The following TAF11 variants were observed in gnomAD, a reference collection of about 807,000 sequenced individuals.
TAF11 encodes TATA-box binding protein associated factor 11.
A neutral mutation model predicts 23.0 loss-of-function variants in TAF11; 10 were observed. The observed-to-expected ratio is 0.43, with a 90% confidence interval of 0.27 to 0.74. The LOEUF is 0.74. Ranked by LOEUF, TAF11 falls within the 30% of genes least tolerant of loss-of-function variation. TAF11 has a pLI of 0.19. For missense variants in TAF11, 196 were observed against 261.7 expected (o/e 0.75, Z 1.73); for synonymous variants, 85 against 95.8 (o/e 0.89, Z 0.66).
At chr6:34,883,468 G>T (rs1436133796) in intron 1 of TAF11, among the ~76,000 whole-genome samples, 1 of 152,068 alleles carries the variant, frequency 6.6e-6, no homozygotes, top group East Asian at 1.9e-4. Context: ...CAGATCTATA[G>T]ATCTCTTTAC....
rs1238603123 is a variant in TAF11, at chr6:34,883,088, G to T, written c.172-8C>A. On this transcript the variant is annotated splice_polypyrimidine_tract_variant and splice_region_variant and intron_variant, in intron 1 of 4. Coordinates refer to ENST00000361288, the MANE Select transcript of TAF11 (RefSeq NM_005643.4). ...GACATCCTGACTCTCGAGCTGGGAAGATGAAAGAAACTCTATTATATATTT... is the reference window on the plus strand; with the variant it reads ...GACATCCTGACTCTCGAGCTGGGAATATGAAAGAAACTCTATTATATATTT... 6.2e-7 allele frequency: 1 copy of T among 1,605,628 alleles called. No individual in the cohort carries two copies. The highest frequency in any genetic ancestry group is 8.5e-7 in the Non-Finnish European group (1 of 1,178,064).
chr6:34,879,883 C>T lies in TAF11; in HGVS notation c.505+84G>A, dbSNP rs544213062. On this transcript the variant is annotated intron_variant, in intron 4 of 4. Transcript: ENST00000361288. ...GTGCAAATGAGAACTCCCATAGGTG[C>T]TTTAATAAGCTCCTTTGTGTAGATA... 2.4e-5 allele frequency: 36 copies of T among 1,525,174 alleles called. No individual in the cohort carries two copies. The South Asian group carries it at 3.8e-4, about 16-fold the overall frequency. The allele number at this position is 1,525,174 out of a possible 1,614,324, so 94.5% of individuals were successfully genotyped here. A position where few individuals can be genotyped will look rare whatever the true frequency, so the allele number is the denominator to read the frequency against.
chr6:34,879,623 C>T (rs772848250), intron 4 of TAF11: 111 of 985,064 alleles, frequency 1.1e-4, no homozygotes, highest in Non-Finnish European at 1.3e-4. Flanking sequence ...AGGGACAACT[C>T]ACCATCCCAC....
chr6:34,885,501 G>C (rs1362433238), intron 1 of TAF11, among the ~76,000 whole-genome samples: 1 of 152,036 alleles, frequency 6.6e-6, no homozygotes, highest in East Asian at 1.9e-4. Context: ...GGCCTGTTAT[G>C]ATTTCTACTT....
rs980357820 is a variant in TAF11, at chr6:34,880,443, T to C, written c.321-67A>G. On this transcript the variant is annotated intron_variant, in intron 2 of 4. Coordinates refer to ENST00000361288, the MANE Select transcript of TAF11 (RefSeq NM_005643.4). This position sits in a 1 kb window ranked among gnomAD's most constrained non-coding sequence, Gnocchi z 4.8. ...AATACTCAAGATATTATGAAGTCAA[T>C]AAAAGTTTCAGACAATTCAAAAACG... 18 of 1,502,256 alleles carry C rather than the reference T, an allele frequency of 1.2e-5. No individual in the cohort carries two copies. The highest frequency in any genetic ancestry group is 1.7e-5 in the Non-Finnish European group (18 of 1,089,834). The allele number at this position is 1,502,256 out of a possible 1,614,324, so 93.1% of individuals were successfully genotyped here.
chr6:34,881,508 A>G (rs1315184511), intron 2 of TAF11, among the ~76,000 whole-genome samples: 1 of 152,238 alleles, frequency 6.6e-6, no homozygotes, highest in African/African-American at 2.4e-5. Context: ...TCTATTTTTA[A>G]GAAAACTATG....
At chr6:34,882,027 T>C (rs1042291792) in intron 2 of TAF11, among the ~76,000 whole-genome samples, 3 of 151,436 alleles carry the variant, frequency 2.0e-5, no homozygotes, top group East Asian at 1.9e-4. Flanking sequence ...TTTTCTATGC[T>C]GTAACATAAT....
intron 1 of TAF11, among the ~76,000 whole-genome samples, chr6:34,885,870 C>T (rs778251053): frequency 1.1e-4 from 16 of 152,222 alleles, no homozygotes; most frequent in East Asian, 1.9e-4. Context: ...GCCTATAATC[C>T]CAGCACTTTG....
chr6:34,880,048 T>C lies in TAF11; in HGVS notation c.424A>G (p.Thr142Ala). 1 of 1,614,098 alleles carries C rather than the reference T, an allele frequency of 6.2e-7. No individual in the cohort carries two copies. The highest frequency in any genetic ancestry group is 8.5e-7 in the Non-Finnish European group (1 of 1,180,000). The change falls in exon 4 of 5, where the codon ACT (threonine) becomes GCT (alanine). Residue 142 changes from threonine to alanine, a missense_variant. Transcript: ENST00000361288. This position sits in a 1 kb window ranked among gnomAD's most constrained non-coding sequence, Gnocchi z 4.8. ...ACATTCTGAGACACAGAGGTGCCAG[T>C]GATGGACTGGATCAGCTTGAAAGAA... ...AAIKRLIQSI[T>A]GTSVSQNVVI...
intron 1 of TAF11, 89 bp from the exon 2 acceptor site, chr6:34,883,169 A>G (rs574164048): frequency 1.5e-6 from 2 of 1,371,962 alleles, no homozygotes; most frequent in South Asian, 2.7e-5. Context: ...TCACAAAACA[A>G]CAAATCCATT....
In TAF11 at chr6:34,888,006, G is replaced by A; in HGVS notation, c.-49C>T. The A allele has an allele frequency of 6.2e-7, 1 of 1,608,974 alleles. No individual in the cohort carries two copies. Among genetic ancestry groups the A allele is most frequent in the Non-Finnish European group, 8.5e-7 (1 of 1,177,258 alleles). ...GGAGATCGCGGAGATGCCTGAGGCA[G>A]AAGCTCGGAAACCCGAGCTGCACAG... is the stretch of plus-strand genomic sequence containing the variant. On this transcript the variant is annotated 5_prime_UTR_variant, in exon 1 of 5. Coordinates refer to ENST00000361288, the MANE Select transcript of TAF11 (RefSeq NM_005643.4).
At chr6:34,888,055 C>A, upstream of TAF11, 1 of 1,544,658 alleles carries the variant, frequency 6.5e-7, no homozygotes, top group Non-Finnish European at 8.7e-7. Flanking sequence ...TTCCTGTCGT[C>A]GCGCAGCGAT....
chr6:34,878,676 G>T lies in TAF11; in HGVS notation c.550C>A (p.Pro184Thr). Reference protein sequence around the residue: ...EKWGEMPPLQPKHMREAVRRL... With the variant: ...EKWGEMPPLQTKHMREAVRRL... ...CTAACGGCTTCCCTCATATGTTTGG[G>T]TTGTAGTGGTGGCATTTCTCCCCAC... The change falls in exon 5 of 5, where the codon CCC becomes ACC. Residue 184 changes from proline (P) to threonine (T), a missense_variant. Pro to Thr is a conservative substitution (Grantham distance 38). Coordinates refer to ENST00000361288, the MANE Select transcript of TAF11 (RefSeq NM_005643.4). The T allele has an allele frequency of 1.2e-6, 2 of 1,614,098 alleles. No individual in the cohort carries two copies. Among genetic ancestry groups the T allele is most frequent in the Non-Finnish European group, 1.7e-6 (2 of 1,179,992 alleles).
At chr6:34,887,760 C>G in intron 1 of TAF11, 27 bp downstream of exon 1, 3 of 1,613,748 alleles carry the variant, frequency 1.9e-6, no homozygotes, top group Non-Finnish European at 2.5e-6. Flanking sequence ...GGTATTCCTT[C>G]AGCCTCATCA....
chr6:34,887,259 C>T (rs1171849896), intron 1 of TAF11, among the ~76,000 whole-genome samples: 1 of 152,022 alleles, frequency 6.6e-6, no homozygotes, highest in African/African-American at 2.4e-5. Context: ...CCAGAGATCG[C>T]GCCATTGTTC....
At position 34,878,840 on chromosome 6, in the gene TAF11, A is replaced by AT. The variant is rs1044685621; in HGVS notation, c.506-121dup. ...AAGCTTGCTAAGGAAATAAACAGAC[A>AT]TTTTTCCTTTTTAAGAGAATATTAG... is the stretch of plus-strand genomic sequence containing the variant. On this transcript the variant is annotated intron_variant, in intron 4 of 4. Coordinates refer to ENST00000361288, the MANE Select transcript of TAF11 (RefSeq NM_005643.4). The AT allele has an allele frequency of 3.4e-4, 289 of 858,620 alleles. 2 individuals carry two copies. The highest frequency in any genetic ancestry group is 2.0e-4 in the Non-Finnish European group (108 of 552,614). The allele number at this position is 858,620 out of a possible 1,614,324, so 53.2% of individuals were successfully genotyped here.
chr6:34,882,111 G>A (rs998264026), intron 2 of TAF11, among the ~76,000 whole-genome samples: 12 of 150,314 alleles, frequency 8.0e-5, no homozygotes, highest in African/African-American at 1.9e-4. Flanking sequence ...AGGCTGAGGC[G>A]GGCGGATCAC....
Position 34,880,593 on chromosome 6 carries a change from GAAC to G in TAF11, c.321-220_321-218del, listed in dbSNP as rs576504497. ...TTCTTTTCTTACCTGTTAACAAAAA[GAAC>G]AACACTGGGTCACTGTATCGTACTA... On this transcript the variant is annotated intron_variant, in intron 2 of 4. Coordinates refer to ENST00000361288, the MANE Select transcript of TAF11 (RefSeq NM_005643.4). The surrounding 1 kb of genome is among the most constrained non-coding windows in gnomAD (Gnocchi z 4.8). 1.4e-3 allele frequency among the ~76,000 whole-genome samples: 215 copies of G among 152,276 alleles called. No homozygotes were observed. Among genetic ancestry groups the G allele is most frequent in the Middle Eastern group, 6.8e-3 (2 of 294 alleles).
intron 1 of TAF11, among the ~76,000 whole-genome samples, chr6:34,887,441 T>G (rs1489879848): frequency 6.6e-6 from 1 of 152,070 alleles, no homozygotes; most frequent in Non-Finnish European, 1.5e-5. Context: ...GTGAAAGGGG[T>G]GCTACGAATC....
Sources: allele counts gnomAD v4.1 joint callset (sites outside exome capture counted in the v4.1 genomes callset), GRCh38; gene constraint gnomAD v4.1.1; non-coding constraint Gnocchi (gnomAD v3.1); transcripts MANE v1.5; gene names NCBI Gene and HGNC (gene_info 2026-07-23, HGNC 2026-07-21).